RTF2: variants seen among roughly 807,000 people sequenced by gnomAD.
RTF2 encodes the protein UPF0549 protein C20orf43.
Under a neutral mutation model 38.0 loss-of-function variants are expected in RTF2, and 18 were observed. That is an observed-to-expected ratio of 0.47 (90% CI 0.33 to 0.70). The LOEUF is 0.70. Ranked by LOEUF, RTF2 falls within the 30% of genes least tolerant of loss-of-function variation. The pLI is 0.02. For missense variants in RTF2, 311 were observed against 379.6 expected, an observed-to-expected ratio of 0.82 and a Z score of 1.50; for synonymous variants, 126 against 137.1, an observed-to-expected ratio of 0.92 and a Z score of 0.57.
chr20:56,478,339 T>C (rs1394702974), intron 4 of RTF2, among the ~76,000 whole-genome samples: 1 of 152,024 alleles, frequency 6.6e-6, no homozygotes, highest in African/African-American at 2.4e-5. Context: ...ACAAAATTTT[T>C]TTTTAATTAG....
At chr20:56,488,582 C>T (rs80227905) in intron 5 of RTF2, among the ~76,000 whole-genome samples, 254 of 152,280 alleles carry the variant, frequency 1.7e-3, no homozygotes, top group African/African-American at 5.7e-3. Flanking sequence ...AAAGGAGTGT[C>T]GTCAGAAGTG....
intron 5 of RTF2, among the ~76,000 whole-genome samples, chr20:56,488,514 T>G (rs1438798105): frequency 6.6e-6 from 1 of 152,234 alleles, no homozygotes; most frequent in African/African-American, 2.4e-5. Flanking sequence ...ATACTCACAC[T>G]GTCTACCTGC....
chr20:56,472,139 G>A (rs1196380456), intron 1 of RTF2, among the ~76,000 whole-genome samples: 1 of 152,178 alleles, frequency 6.6e-6, no homozygotes. Context: ...AGGATTGCTT[G>A]AGCCCAGGAG....
chr20:56,495,007 T>A (rs1983418300), intron 5 of RTF2, among the ~76,000 whole-genome samples: 1 of 152,236 alleles, frequency 6.6e-6, no homozygotes, highest in Non-Finnish European at 1.5e-5. Context: ...TTTTGTGATT[T>A]GTGTACTTTT....
At chr20:56,497,373 T>A in intron 5 of RTF2, 1 of 1,549,868 alleles carries the variant, frequency 6.5e-7, no homozygotes, top group Non-Finnish European at 8.7e-7. Context: ...TAAATGAGCA[T>A]GTATTTCAGA....
intron 5 of RTF2, among the ~76,000 whole-genome samples, chr20:56,493,934 T>C (rs1983340313): frequency 6.6e-6 from 1 of 152,196 alleles, no homozygotes; most frequent in Non-Finnish European, 1.5e-5. Context: ...CCCATTGTAG[T>C]GGTGGCAGGC....
At chr20:56,510,799 G>T (rs924025473) in intron 5 of RTF2, among the ~76,000 whole-genome samples, 3 of 152,136 alleles carry the variant, frequency 2.0e-5, no homozygotes, top group South Asian at 4.1e-4. Flanking sequence ...AATTAGCCAG[G>T]CATGGTGGCG....
intron 5 of RTF2, among the ~76,000 whole-genome samples, chr20:56,509,910 G>A (rs1448577351): frequency 1.3e-5 from 2 of 151,822 alleles, no homozygotes; most frequent in Non-Finnish European, 2.9e-5. Context: ...AACTTTATTT[G>A]GCAATAAGAA....
At chr20:56,469,374 A>G (rs534521308) in intron 1 of RTF2, among the ~76,000 whole-genome samples, 6 of 152,286 alleles carry the variant, frequency 3.9e-5, no homozygotes, top group African/African-American at 1.4e-4. Context: ...CGAATAAACA[A>G]ATGAGTGAAT....
At chr20:56,497,315 T>TA (rs1568702544) in intron 5 of RTF2, 1 of 1,550,826 alleles carries the variant, frequency 6.4e-7, no homozygotes, top group East Asian at 2.4e-5. Flanking sequence ...GGGGTCTGGT[T>TA]ATGAAATGCA....
chr20:56,513,625 G>A (rs1482044646), intron 6 of RTF2, among the ~76,000 whole-genome samples, 197 bp downstream of exon 6: 4 of 152,166 alleles, frequency 2.6e-5, no homozygotes, highest in African/African-American at 9.7e-5. Context: ...CGGCGGCTCT[G>A]CTCTTCCCCG....
chr20:56,486,318 A>T (rs143950538), intron 5 of RTF2, among the ~76,000 whole-genome samples: 3,588 of 152,268 alleles, frequency 0.024, 51 homozygotes, highest in Middle Eastern at 0.075. Flanking sequence ...TTTATGGCAA[A>T]GAGTACTGTT....
chr20:56,473,281 A>T lies in RTF2; in HGVS notation c.70-20A>T. 6.3e-7 allele frequency: 1 copy of T among 1,576,488 alleles called. No individual in the cohort carries two copies. The highest frequency in any genetic ancestry group is 8.7e-7 in the Non-Finnish European group (1 of 1,146,536). On this transcript the variant is annotated intron_variant, in intron 1 of 8. Coordinates refer to ENST00000357348, the MANE Select transcript of RTF2 (RefSeq NM_016407.5). The stretch of plus-strand genomic sequence containing the variant: ...GTCTTTCAGAGTTGAAAATTAATTG[A>T]ATTTTTTGTTTTTTATTAGGTCGAC...
chr20:56,473,445 ATT>A, intron 2 of RTF2, 50 bp downstream of exon 2: 1 of 1,343,220 alleles, frequency 7.4e-7, no homozygotes, highest in Non-Finnish European at 1.1e-6. Flanking sequence ...GATTTTGAGA[ATT>A]TTGATGTGTA....
intron 1 of RTF2, chr20:56,471,678 A>AT (rs1981979552): frequency 1.3e-5 from 2 of 152,224 alleles, no homozygotes; most frequent in Non-Finnish European, 2.9e-5. Context: ...TGGTAAACAC[A>AT]TTTTTTACTG....
chr20:56,468,860 G>T, intron 1 of RTF2, 94 bp downstream of exon 1: 1 of 1,025,880 alleles, frequency 9.7e-7, no homozygotes, highest in Non-Finnish European at 1.5e-6. Flanking sequence ...AGCCAGCGGA[G>T]TTCCAGACCT....
chr20:56,511,641 G>C (rs1984677109), intron 5 of RTF2, among the ~76,000 whole-genome samples: 1 of 152,054 alleles, frequency 6.6e-6, no homozygotes, highest in Non-Finnish European at 1.5e-5. Context: ...CTCTGTGGGG[G>C]GGCCATCCTG....
intron 5 of RTF2, among the ~76,000 whole-genome samples, chr20:56,486,288 A>G (rs1368189598): frequency 6.6e-6 from 1 of 152,152 alleles, no homozygotes; most frequent in Non-Finnish European, 1.5e-5. Flanking sequence ...TATTCTCTGC[A>G]TTTTTATGGT....
intron 4 of RTF2, among the ~76,000 whole-genome samples, chr20:56,483,664 ATGATGTGTCCTGGTTTC>A (rs1982637959): frequency 6.6e-6 from 1 of 152,152 alleles, no homozygotes; most frequent in Non-Finnish European, 1.5e-5. Flanking sequence ...TAGGTAAAAA[ATGATGTGTCCTGGTTTC>A]AAAAGGCATT....
Sources: gnomAD v4.1 joint callset for allele counts (sites outside exome capture counted in the v4.1 genomes callset) on GRCh38, gnomAD v4.1.1 for gene constraint, MANE v1.5 for transcripts, NCBI Gene and HGNC (gene_info 2026-07-23, HGNC 2026-07-21) for gene names.